CACNA2D3: variants seen among roughly 807,000 people sequenced by gnomAD.
CACNA2D3 encodes the protein calcium voltage-gated channel auxiliary subunit alpha2delta 3, also known as voltage-dependent calcium channel subunit alpha-2/delta-3.
Under a neutral mutation model 160.6 loss-of-function variants are expected in CACNA2D3, and 60 were observed. That is an observed-to-expected ratio of 0.37 (90% confidence interval 0.30 to 0.46). The LOEUF is 0.46. Among genes scored for constraint, CACNA2D3 ranks in the 20% least tolerant of loss-of-function variants. The pLI is 1.00. For synonymous variants in CACNA2D3, 558 were observed against 492.9 expected (o/e 1.13, Z -1.75); for missense variants, 1,205 against 1,365.0 (o/e 0.88, Z 1.85).
intron 11 of CACNA2D3, among the ~76,000 whole-genome samples, chr3:54,742,277 A>G (rs1007878312): frequency 2.6e-5 from 4 of 151,868 alleles, no homozygotes; most frequent in Admixed American, 6.6e-5. Flanking sequence ...AAATTAGCCA[A>G]TGTGGTGGTG....
intron 3 of CACNA2D3, among the ~76,000 whole-genome samples, chr3:54,346,624 G>C (rs557894764): frequency 6.6e-6 from 1 of 151,924 alleles, no homozygotes; most frequent in African/African-American, 2.4e-5. Context: ...CCAGTTTCTC[G>C]CATTATTAAC....
chr3:54,182,391 A>G (rs1433402554), intron 2 of CACNA2D3, among the ~76,000 whole-genome samples: 8 of 152,196 alleles, frequency 5.3e-5, no homozygotes, highest in Non-Finnish European at 1.5e-5. Flanking sequence ...GAGGTAACAA[A>G]TGGCTTTCTG....
At chr3:54,359,986 A>G (rs572612088) in intron 3 of CACNA2D3, among the ~76,000 whole-genome samples, 1 of 152,350 alleles carries the variant, frequency 6.6e-6, no homozygotes, top group African/African-American at 2.4e-5. Context: ...TGCCATTATA[A>G]GAATAAAAGG....
chr3:54,918,616 A>G (rs1307525510), intron 27 of CACNA2D3: 2 of 1,613,852 alleles, frequency 1.2e-6, no homozygotes, highest in Non-Finnish European at 8.5e-7. Context: ...CCCACACACA[A>G]CGCCAGTGAT....
At chr3:54,539,111 C>G (rs756048739) in intron 5 of CACNA2D3, among the ~76,000 whole-genome samples, 9 of 152,180 alleles carry the variant, frequency 5.9e-5, no homozygotes, top group Non-Finnish European at 1.2e-4. Context: ...TTGACACATC[C>G]TGAATGCTCA....
chr3:54,666,541 A>G (rs1490154053), intron 11 of CACNA2D3, among the ~76,000 whole-genome samples: 1 of 152,236 alleles, frequency 6.6e-6, no homozygotes, highest in African/African-American at 2.4e-5. Context: ...AGATCTATCC[A>G]ATGCCATTGC....
chr3:54,482,688 T>C (rs1033473413), intron 4 of CACNA2D3, among the ~76,000 whole-genome samples: 2 of 152,096 alleles, frequency 1.3e-5, no homozygotes, highest in Admixed American at 6.6e-5. Flanking sequence ...CACATTGAAG[T>C]TTATTTCTTG....
At chr3:54,305,339 G>A (rs765436310) in intron 2 of CACNA2D3, among the ~76,000 whole-genome samples, 4 of 152,258 alleles carry the variant, frequency 2.6e-5, no homozygotes, top group Middle Eastern at 3.4e-3. Context: ...CTGTGACCCC[G>A]GCCTGAAATA....
chr3:54,725,279 C>G (rs1255061111), intron 11 of CACNA2D3, among the ~76,000 whole-genome samples: 2 of 152,158 alleles, frequency 1.3e-5, no homozygotes, highest in Non-Finnish European at 2.9e-5. Flanking sequence ...TAATAGCCTA[C>G]CAACCAAAAG....
intron 18 of CACNA2D3, among the ~76,000 whole-genome samples, chr3:54,877,579 T>C (rs1575525834): frequency 6.6e-6 from 1 of 152,302 alleles, no homozygotes; most frequent in Non-Finnish European, 1.5e-5. Context: ...CCAGAGTCCA[T>C]TCCTTAACTA....
chr3:54,345,672 C>T (rs867256325), intron 3 of CACNA2D3, among the ~76,000 whole-genome samples: 3 of 152,222 alleles, frequency 2.0e-5, no homozygotes, highest in African/African-American at 4.8e-5. Flanking sequence ...CTGTGAGGCT[C>T]AGTGTCACTT....
intron 3 of CACNA2D3, among the ~76,000 whole-genome samples, chr3:54,384,089 C>T (rs2359785): frequency 1.3e-5 from 2 of 151,720 alleles, no homozygotes; most frequent in African/African-American, 4.8e-5. Flanking sequence ...TTTTGTTGGT[C>T]CTACATGACT....
rs9827396 is a variant in CACNA2D3 at position 55,033,875 on chromosome 3, A to G, written c.2987+15558A>G. Reference sequence around the variant, plus strand: ...ATTAAATATATTTAATATATAATATATATTACATATTAAGTATATTTAATA... The same window carrying G: ...ATTAAATATATTTAATATATAATATGTATTACATATTAAGTATATTTAATA... On this transcript the variant is annotated intron_variant, in intron 35 of 37. Transcript: ENST00000474759. Among the ~76,000 whole-genome samples, 217 of 126,938 alleles carry G rather than the reference A, an allele frequency of 1.7e-3. 10 individuals carry two copies. Among genetic ancestry groups the G allele is most frequent in the African/African-American group, 5.5e-3 (190 of 34,312 alleles). 83.3% of individuals were successfully genotyped at this position (126,938 alleles called of 152,430 possible).
chr3:54,642,052 C>A, intron 10 of CACNA2D3, 76 bp from the exon 11 acceptor site: 2 of 872,688 alleles, frequency 2.3e-6, no homozygotes, highest in East Asian at 2.9e-5. Flanking sequence ...AGTCCCAGGT[C>A]TCATGTCTCT....
chr3:54,715,991 G>A (rs1337727821), intron 11 of CACNA2D3, among the ~76,000 whole-genome samples: 2 of 152,130 alleles, frequency 1.3e-5, no homozygotes, highest in Admixed American at 6.5e-5. Flanking sequence ...CAGGGATGGC[G>A]ATAGATGTGT....
intron 34 of CACNA2D3, among the ~76,000 whole-genome samples, chr3:55,014,444 G>T (rs142934376): frequency 3.9e-4 from 60 of 152,240 alleles, no homozygotes; most frequent in Non-Finnish European, 6.3e-4. Flanking sequence ...ACAGTATCCA[G>T]TATGGCTAGG....
At chr3:54,973,658 C>G (rs1274377219) in intron 29 of CACNA2D3, among the ~76,000 whole-genome samples, 1 of 152,172 alleles carries the variant, frequency 6.6e-6, no homozygotes, top group East Asian at 1.9e-4. Flanking sequence ...GACTGCCCAC[C>G]TCAGCCAGAG....
chr3:54,642,202 T>C lies in CACNA2D3; in HGVS notation c.1128T>C (p.Tyr376=). ...MLITDGAVDT[Y]DTIFAKYNWP... is the part of the protein sequence containing the mutation. ...TAACTGATGGGGCGGTGGACACCTA[T>C]GATACAATCTTTGCAAAATACAATT... The change falls in exon 11 of 38, where the codon TAT becomes TAC. Residue 376 remains tyrosine (Y), a synonymous_variant. Transcript: ENST00000474759. The C allele has an allele frequency of 6.2e-7, 1 of 1,613,042 alleles. No individual in the cohort carries two copies. The highest frequency in any genetic ancestry group is 1.1e-5 in the South Asian group (1 of 90,686).
chr3:54,871,224 C>CA lies in CACNA2D3; in HGVS notation c.1627-315_1627-314insA, dbSNP rs1491220764. 8.2e-3 allele frequency among the ~76,000 whole-genome samples: 892 copies of CA among 109,202 alleles called. 16 individuals carry two copies. Among genetic ancestry groups the CA allele is most frequent in the African/African-American group, 0.028 (737 of 25,886 alleles). The allele number at this position is 109,202 out of a possible 152,430, so 71.6% of individuals were successfully genotyped here. A position where few individuals can be genotyped will look rare whatever the true frequency, so the allele number is the denominator to read the frequency against. ...ACACACACACACACACACACACACA[C>CA]CCCCCATTCAAGGAGGGGACAGATT... On this transcript the variant is annotated intron_variant, in intron 17 of 37. Coordinates refer to ENST00000474759, the MANE Select transcript of CACNA2D3 (RefSeq NM_018398.3).
Sources: gnomAD v4.1 joint callset for allele counts (sites outside exome capture counted in the v4.1 genomes callset) on GRCh38, gnomAD v4.1.1 for gene constraint, MANE v1.5 for transcripts, NCBI Gene and HGNC (gene_info 2026-07-23, HGNC 2026-07-21) for gene names.